PARD3B: variants seen among roughly 807,000 people sequenced by gnomAD.
PARD3B encodes par-3 family cell polarity regulator beta.
Under a neutral mutation model 130.2 loss-of-function variants are expected in PARD3B, and 103 were observed. The observed-to-expected ratio is 0.79, with a 90% CI of 0.67 to 0.93. The LOEUF (loss-of-function observed/expected upper bound fraction) is 0.93, where lower values mean the gene tolerates loss of function less well. Ranked by LOEUF, PARD3B falls within the 40% of genes least tolerant of loss-of-function variation. The probability of loss-of-function intolerance (pLI) is 0.00; values close to 1 mark genes in which losing one functional copy is unlikely to be tolerated. For synonymous variants in PARD3B, 583 were observed against 553.2 expected (o/e 1.05, Z -0.76); for missense variants, 1,609 against 1,499.2 (o/e 1.07, Z -1.21).
intron 2 of PARD3B, among the ~76,000 whole-genome samples, chr2:204,892,454 C>T (rs113615949): frequency 2.4e-3 from 363 of 152,222 alleles, no homozygotes; most frequent in African/African-American, 8.1e-3. Flanking sequence ...GTATGGTAGC[C>T]GCTAGTCATG....
At chr2:204,571,818 T>A (rs1215164865) in intron 1 of PARD3B, among the ~76,000 whole-genome samples, 1 of 152,204 alleles carries the variant, frequency 6.6e-6, no homozygotes, top group Non-Finnish European at 1.5e-5. Flanking sequence ...TTTGAAATAT[T>A]GTAACAGAAA....
intron 16 of PARD3B, among the ~76,000 whole-genome samples, chr2:205,250,818 A>C (rs2039812310): frequency 6.6e-6 from 1 of 152,162 alleles, no homozygotes; most frequent in Non-Finnish European, 1.5e-5. Context: ...AATCCCAGCT[A>C]CTTGGAAGCC....
intron 1 of PARD3B, among the ~76,000 whole-genome samples, chr2:204,652,520 A>G (rs2035513642): frequency 6.6e-6 from 1 of 152,168 alleles, no homozygotes; most frequent in African/African-American, 2.4e-5. Context: ...TTTGGTCAAA[A>G]CCATTCAACA....
At chr2:205,081,595 G>A (rs1475972424) in intron 4 of PARD3B, among the ~76,000 whole-genome samples, 9 of 152,044 alleles carry the variant, frequency 5.9e-5, no homozygotes, top group Non-Finnish European at 1.2e-4. Context: ...CTAATAGGCT[G>A]AGAGTTTTTA....
chr2:204,618,411 T>A (rs1479879707), intron 1 of PARD3B, among the ~76,000 whole-genome samples: 1 of 152,100 alleles, frequency 6.6e-6, no homozygotes, highest in Non-Finnish European at 1.5e-5. Flanking sequence ...TATATTTTAT[T>A]GGGTTATAGT....
intron 1 of PARD3B, among the ~76,000 whole-genome samples, chr2:204,583,018 C>G (rs62177763): frequency 6.6e-6 from 1 of 151,546 alleles, no homozygotes; most frequent in African/African-American, 2.4e-5. Context: ...CACTTTTACA[C>G]TGTTGGTGGG....
intron 3 of PARD3B, among the ~76,000 whole-genome samples, chr2:204,985,166 C>G (rs949430200): frequency 6.6e-6 from 1 of 152,108 alleles, no homozygotes; most frequent in African/African-American, 2.4e-5. Context: ...TCCCCCACTT[C>G]TTTCCTTACA....
intron 2 of PARD3B, among the ~76,000 whole-genome samples, chr2:204,927,975 T>G (rs535984349): frequency 6.6e-6 from 1 of 152,282 alleles, no homozygotes; most frequent in South Asian, 2.1e-4. Context: ...GTTTAATAAA[T>G]AATTGCAAAA....
chr2:205,582,592 T>G (rs1370215557), intron 22 of PARD3B, among the ~76,000 whole-genome samples: 2 of 152,158 alleles, frequency 1.3e-5, no homozygotes, highest in Non-Finnish European at 2.9e-5. Context: ...CTAGACTAGA[T>G]TATTGCCTTT....
Position 204,923,196 on chromosome 2 carries a change from C to T in PARD3B, c.223-41956C>T, listed in dbSNP as rs187347138. On this transcript the variant is annotated intron_variant, in intron 2 of 22. Transcript: ENST00000406610. ...TATTGACAATATCTGAATGATTATC[C>T]AGTAGCCAGTTAAGTGAAAAATTAC... is the stretch of plus-strand genomic sequence containing the variant. 7.9e-5 allele frequency among the ~76,000 whole-genome samples: 12 copies of T among 152,042 alleles called. No individual in the cohort carries two copies. The East Asian group carries it at 2.3e-3, about 29-fold the overall frequency.
intron 1 of PARD3B, among the ~76,000 whole-genome samples, chr2:204,566,715 T>C (rs2031692715): frequency 1.3e-5 from 2 of 152,184 alleles, no homozygotes; most frequent in African/African-American, 4.8e-5. Context: ...GTTAATGTTT[T>C]TGTTTATTTA....
chr2:205,342,179 A>G (rs780412707), intron 18 of PARD3B, among the ~76,000 whole-genome samples: 4 of 152,206 alleles, frequency 2.6e-5, no homozygotes, highest in South Asian at 2.1e-4. Context: ...AGTATATTCA[A>G]TTAATATTTA....
intron 1 of PARD3B, among the ~76,000 whole-genome samples, chr2:204,576,621 G>T (rs370529123): frequency 6.6e-6 from 1 of 152,174 alleles, no homozygotes; most frequent in African/African-American, 2.4e-5. Context: ...GTGTGTGCAC[G>T]CATGTAAATG....
At chr2:205,071,449 A>C (rs1700724343) in intron 4 of PARD3B, among the ~76,000 whole-genome samples, 1 of 152,186 alleles carries the variant, frequency 6.6e-6, no homozygotes, top group African/African-American at 2.4e-5. Flanking sequence ...AAATATGTGA[A>C]TATATACACT....
At chr2:205,535,033 A>G (rs2051781773) in intron 21 of PARD3B, among the ~76,000 whole-genome samples, 1 of 152,186 alleles carries the variant, frequency 6.6e-6, no homozygotes, top group East Asian at 1.9e-4. Context: ...GGGTGTATAC[A>G]GAGTAAAATG....
At chr2:205,524,609 G>C (rs1377565499) in intron 21 of PARD3B, among the ~76,000 whole-genome samples, 1 of 152,152 alleles carries the variant, frequency 6.6e-6, no homozygotes, top group Non-Finnish European at 1.5e-5. Flanking sequence ...TTAGAAGAGA[G>C]AGCACTTTCT....
rs1244351708 is a variant in PARD3B at position 204,943,301 on chromosome 2, G to A, written c.223-21851G>A. On this transcript the variant is annotated intron_variant, in intron 2 of 22. Coordinates refer to ENST00000406610, the MANE Select transcript of PARD3B (RefSeq NM_001302769.2). The surrounding 1 kb of genome is among the most constrained non-coding windows in gnomAD (Gnocchi z 4.2). Reference sequence around the variant, plus strand: ...TAAAAGGACGGTGACTGGAAAGATCGCATAGGTCACGAGGATCTTCCTATG... The same window carrying A: ...TAAAAGGACGGTGACTGGAAAGATCACATAGGTCACGAGGATCTTCCTATG... Among the ~76,000 whole-genome samples the A allele has an allele frequency of 3.3e-5, 5 of 152,110 alleles. No individual in the cohort carries two copies. The East Asian group carries it at 7.7e-4, about 24-fold the overall frequency.
chr2:205,136,861 C>T (rs1470055307), intron 10 of PARD3B, among the ~76,000 whole-genome samples: 1 of 152,158 alleles, frequency 6.6e-6, no homozygotes. Context: ...TCTGGGTCCA[C>T]ATTGGAGATG....
intron 4 of PARD3B, among the ~76,000 whole-genome samples, chr2:205,088,752 G>A (rs1026982660): frequency 4.0e-5 from 6 of 151,278 alleles, no homozygotes; most frequent in Non-Finnish European, 8.8e-5. Flanking sequence ...GGGAATGACT[G>A]CCAATCATAA....
Sources: gnomAD v4.1 joint callset for allele counts (sites outside exome capture counted in the v4.1 genomes callset) on GRCh38, gnomAD v4.1.1 for gene constraint, Gnocchi (gnomAD v3.1) non-coding constraint, MANE v1.5 for transcripts, NCBI Gene and HGNC (gene_info 2026-07-23, HGNC 2026-07-21) for gene names.